The following PGAP6 variants were observed in gnomAD, a reference collection of about 807,000 sequenced individuals.
PGAP6 encodes post-GPI attachment to proteins factor 6.
PGAP6 carries 62 observed loss-of-function variants against 68.4 expected under a neutral mutation model. That is an observed-to-expected ratio of 0.91 (90% CI 0.74 to 1.12). PGAP6 has a LOEUF of 1.12. PGAP6 is among the 50% of genes most tolerant of loss of function. The pLI is 0.00. For synonymous variants in PGAP6, 575 were observed against 474.0 expected (o/e 1.21, Z -2.77); for missense variants, 1,188 against 1,068.5 (o/e 1.11, Z -1.56).
chr16:380,940 A>G (rs2054431999), intron 1 of PGAP6, among the ~76,000 whole-genome samples: 2 of 152,230 alleles, frequency 1.3e-5, no homozygotes, highest in Non-Finnish European at 2.9e-5. Flanking sequence ...CCCAGGCCAC[A>G]GAGGCCGGGG....
In PGAP6 at chr16:381,853, C is replaced by G. The variant is rs1261116850; in HGVS notation, c.-32G>C. The G allele has an allele frequency of 1.3e-5, 13 of 986,624 alleles. No individual in the cohort carries two copies. The highest frequency in any genetic ancestry group is 1.4e-5 in the Non-Finnish European group (12 of 831,416). The allele number at this position is 986,624 out of a possible 1,614,324, so 61.1% of individuals were successfully genotyped here. A position where few individuals can be genotyped will look rare whatever the true frequency, so the allele number is the denominator to read the frequency against. On this transcript the variant is annotated 5_prime_UTR_variant, in exon 1 of 13. Transcript: ENST00000431232. Reference sequence around the variant, plus strand: ...GCGCTCGGCCCGGCGCTACCCGGCCCGCGTCCCGCGCCGCCGGCCCCCGCC... The same window carrying G: ...GCGCTCGGCCCGGCGCTACCCGGCCGGCGTCCCGCGCCGCCGGCCCCCGCC...
upstream of PGAP6, among the ~76,000 whole-genome samples, chr16:385,618 ATTT>A (rs71139779): frequency 8.7e-3 from 669 of 76,976 alleles, 97 homozygotes; most frequent in African/African-American, 0.039. Context: ...GCCTACTCTG[ATTT>A]TTTTTTTTTT....
In PGAP6 at chr16:376,230, C is replaced by T; in HGVS notation, c.1130G>A (p.Arg377Lys). 2 of 1,612,820 alleles carry T rather than the reference C, an allele frequency of 1.2e-6. No individual in the cohort carries two copies. Among genetic ancestry groups the T allele is most frequent in the Non-Finnish European group, 1.7e-6 (2 of 1,180,016 alleles). The change falls in exon 6 of 13, where the codon AGG (arginine) becomes AAG (lysine). Residue 377 changes from arginine (R) to lysine (K), a missense_variant. Arg to Lys is a conservative substitution (Grantham distance 26). Transcript: ENST00000431232. ...CACGGAGGGCGTGTCCGAACACACCCTCACCGAGACCCTGTCCAGGGGCTG... is the reference window on the plus strand; with the variant it reads ...CACGGAGGGCGTGTCCGAACACACCTTCACCGAGACCCTGTCCAGGGGCTG... ...HFQPLDRVSV[R>K]VCSDTPSVMR...
intron 6 of PGAP6, 34 bp from the exon 7 acceptor site, chr16:375,469 C>T (rs1397904583): frequency 1.9e-6 from 3 of 1,596,026 alleles, no homozygotes; most frequent in Non-Finnish European, 2.6e-6. Flanking sequence ...TCAGCTCCAG[C>T]AGCCCCTGGC....
At chr16:385,564 G>A (rs1181225050), upstream of PGAP6, among the ~76,000 whole-genome samples, 12 of 148,262 alleles carry the variant, frequency 8.1e-5, 2 homozygotes, top group Non-Finnish European at 1.6e-4. Context: ...GCCCGCCTCG[G>A]CCTCCCAAAA....
At chr16:376,486 GA>G (rs774721042) in intron 5 of PGAP6, 31 bp from the exon 6 acceptor site, 1 of 1,546,296 alleles carries the variant, frequency 6.5e-7, no homozygotes, top group South Asian at 1.2e-5. Context: ...TTGGCTGGAG[GA>G]AAGTCTGGGG....
rs765051305 is a variant in PGAP6, at chr16:376,716, G to A, written c.732C>T (p.Gly244=). Residue 244 remains glycine (G), a synonymous_variant, in exon 5 of 13, where the codon GGC becomes GGT. Transcript: ENST00000431232. Reference sequence around the variant, plus strand: ...GGAAGTTGCTAGGCAGGGTGACCGGGCCCACGGTGAGACGCACGGGGCAGC... The same window carrying A: ...GGAAGTTGCTAGGCAGGGTGACCGGACCCACGGTGAGACGCACGGGGCAGC... ...SLGCPVRLTV[G]PVTLPSNFQK... 4.4e-5 allele frequency: 71 copies of A among 1,611,632 alleles called. No homozygotes were observed. The highest frequency in any genetic ancestry group is 5.8e-5 in the Non-Finnish European group (69 of 1,179,850).
At chr16:380,693 C>T (rs1301725498) in intron 1 of PGAP6, among the ~76,000 whole-genome samples, 2 of 152,158 alleles carry the variant, frequency 1.3e-5, no homozygotes, top group Non-Finnish European at 2.9e-5. Flanking sequence ...GGGCACGGTC[C>T]TCGGGGAAAA....
chr16:386,459 C>T (rs1390578055), upstream of PGAP6, among the ~76,000 whole-genome samples: 1 of 152,138 alleles, frequency 6.6e-6, no homozygotes, highest in Admixed American at 6.5e-5. Flanking sequence ...TTCCTGAGGG[C>T]AGGAGATGGG....
rs752124278 is a variant in PGAP6, at chr16:376,818, G to A, written c.636-6C>T. ...TGTAATCGGGGACAAAGACCCTGCA[G>A]CGAGGGGACACAGCTGGCTCAGGCT... is the stretch of plus-strand genomic sequence containing the variant. On this transcript the variant is annotated splice_region_variant and splice_polypyrimidine_tract_variant and intron_variant, in intron 4 of 12. Transcript: ENST00000431232. 4 of 1,603,218 alleles carry A rather than the reference G, an allele frequency of 2.5e-6. No homozygotes were observed. The highest frequency in any genetic ancestry group is 2.2e-5 in the South Asian group (2 of 90,972).
At chr16:373,794 CCA>C (rs200033200) in intron 11 of PGAP6, among the ~76,000 whole-genome samples, 1 of 150,232 alleles carries the variant, frequency 6.7e-6, no homozygotes, top group African/African-American at 2.5e-5. Context: ...CAGGTGTGAG[CCA>C]CCATGCTCGG....
chr16:377,207 G>A (rs2054392815), intron 3 of PGAP6, 43 bp from the exon 4 acceptor site: 2 of 1,611,308 alleles, frequency 1.2e-6, no homozygotes, highest in East Asian at 4.5e-5. Flanking sequence ...GTCAGAGAAT[G>A]CAGGTGTGAG....
intron 9 of PGAP6, 151 bp downstream of exon 9, chr16:374,605 A>T (rs1415471193): frequency 4.2e-6 from 5 of 1,185,238 alleles, no homozygotes; most frequent in Non-Finnish European, 5.8e-6. Flanking sequence ...TTGGTGGGGA[A>T]TGGGGGAGTG....
At position 381,658 on chromosome 16, in the gene PGAP6, C is replaced by A. The variant is rs1308816263; in HGVS notation, c.121+43G>T. 8.5e-6 allele frequency: 10 copies of A among 1,178,392 alleles called. No homozygotes were observed. The African/African-American group carries it at 9.7e-5, about 11-fold the overall frequency. 73.0% of individuals were successfully genotyped at this position (1,178,392 alleles called of 1,614,324 possible). ...TGTCACAATCCCGCCCCGCCCGCAG[C>A]CCCGGCCCCACGCCCCCGATGGCGC... On this transcript the variant is annotated intron_variant, in intron 1 of 12. Transcript: ENST00000431232.
chr16:374,151 A>T lies in PGAP6; in HGVS notation c.1756T>A (p.Phe586Ile). 6.2e-7 allele frequency: 1 copy of T among 1,610,940 alleles called. No individual in the cohort carries two copies. Among genetic ancestry groups the T allele is most frequent in the South Asian group, 1.1e-5 (1 of 91,086 alleles). Reference sequence around the variant, plus strand: ...CCGGGCTGGTCGCAGGCGTGGTAGAACTGTGGGGAGGCTCCATGAGCGCGG... The same window carrying T: ...CCGGGCTGGTCGCAGGCGTGGTAGATCTGTGGGGAGGCTCCATGAGCGCGG... ...VYAYTMFFST[F>I]YHACDQPGEA... Residue 586 changes from phenylalanine (F) to isoleucine (I), a missense_variant and splice_region_variant, in exon 11 of 13, where the codon TTC (phenylalanine) becomes ATC (isoleucine). By Grantham distance (21) the Phe-to-Ile change is conservative. Transcript: ENST00000431232.
intron 11 of PGAP6, among the ~76,000 whole-genome samples, chr16:372,968 C>T (rs535670917): frequency 3.3e-5 from 5 of 152,278 alleles, no homozygotes; most frequent in East Asian, 1.9e-4. Context: ...GGGGATTAGA[C>T]GATGCTCACA....
In PGAP6 at chr16:372,287, G is replaced by A. The variant is rs754626171; in HGVS notation, c.2020-4C>T. 1.9e-6 allele frequency: 3 copies of A among 1,605,856 alleles called. No homozygotes were observed. The highest frequency in any genetic ancestry group is 2.5e-6 in the Non-Finnish European group (3 of 1,179,102). ...GCCGGTGCCCGCAGCGGTAAGCCTG[G>A]AGAAAACAGCCACGCAGGTATCAGT... On this transcript the variant is annotated splice_polypyrimidine_tract_variant and splice_region_variant and intron_variant, in intron 12 of 12. Transcript: ENST00000431232.
At chr16:376,483 G>A in intron 5 of PGAP6, 28 bp from the exon 6 acceptor site, 6 of 1,546,318 alleles carry the variant, frequency 3.9e-6, no homozygotes, top group Non-Finnish European at 5.2e-6. Context: ...GGTTTGGCTG[G>A]AGGAAAGTCT....
intron 1 of PGAP6, among the ~76,000 whole-genome samples, chr16:378,063 C>T (rs1262995566): frequency 2.0e-5 from 3 of 152,044 alleles, no homozygotes; most frequent in African/African-American, 7.3e-5. Context: ...ACATCCCACC[C>T]TCCTGGCATC....
Sources: allele counts gnomAD v4.1 joint callset (sites outside exome capture counted in the v4.1 genomes callset), GRCh38; gene constraint gnomAD v4.1.1; transcripts MANE v1.5; gene names NCBI Gene and HGNC (gene_info 2026-07-23, HGNC 2026-07-21).